TRIM68: variants seen among roughly 807,000 people sequenced by gnomAD.
TRIM68 encodes tripartite motif containing 68.
Under a neutral mutation model 41.9 loss-of-function variants are expected in TRIM68, and 36 were observed. That is an observed-to-expected ratio of 0.86 (90% confidence interval 0.66 to 1.14). The LOEUF (loss-of-function observed/expected upper bound fraction) is 1.14, where lower values mean the gene tolerates loss of function less well. Ranked by LOEUF, TRIM68 falls within the 50% of genes most tolerant of loss-of-function variation. TRIM68 has a pLI of 0.00. For missense variants in TRIM68, 632 were observed against 605.1 expected (o/e 1.04, Z -0.47); for synonymous variants, 225 against 224.6 (o/e 1.00, Z -0.02).
intron 1 of TRIM68, among the ~76,000 whole-genome samples, chr11:4,607,551 G>A (rs911215259): frequency 1.3e-5 from 2 of 152,244 alleles, no homozygotes; most frequent in Admixed American, 6.5e-5. Flanking sequence ...AGAAAGTAAG[G>A]CAAAGAAATA....
In TRIM68 at chr11:4,605,282, G is replaced by A; in HGVS notation, c.223C>T (p.Leu75=). The A allele has an allele frequency of 6.2e-7, 1 of 1,614,260 alleles. No homozygotes were observed. The highest frequency in any genetic ancestry group is 8.5e-7 in the Non-Finnish European group (1 of 1,180,050). The change falls in exon 2 of 7, where the codon CTG becomes TTG. Residue 75 remains leucine (L), a synonymous_variant. Transcript: ENST00000300747. ...QPRNLRPNWQ[L]ANVVEKVRLL... ...CGGACTTTTTCTACAACATTGGCCA[G>A]CTGCCAATTAGGCCGCAGGTTCCTT...
rs1293221816 is a variant in TRIM68 at position 4,605,129 on chromosome 11, G to A, written c.376C>T (p.His126Tyr). The change falls in exon 2 of 7, where the codon CAT becomes TAT. Residue 126 changes from histidine (H) to tyrosine (Y), a missense_variant. Physicochemically the swap from His to Tyr is moderately conservative, Grantham distance 83. Coordinates refer to ENST00000300747, the MANE Select transcript of TRIM68 (RefSeq NM_018073.8). ...MCEACSQSPEHEAHSVVPMED... is the reference protein window; with the variant it reads ...MCEACSQSPEYEAHSVVPMED... ...ATTGGCACAACACTGTGGGCCTCATGCTCTGGGGACTGGCTGCAGGCCTCA... is the reference window on the plus strand; with the variant it reads ...ATTGGCACAACACTGTGGGCCTCATACTCTGGGGACTGGCTGCAGGCCTCA... The A allele has an allele frequency of 6.2e-7, 1 of 1,614,240 alleles. No individual in the cohort carries two copies. The highest frequency in any genetic ancestry group is 8.5e-7 in the Non-Finnish European group (1 of 1,180,052).
At chr11:4,602,591 T>C (rs573847203) in intron 3 of TRIM68, among the ~76,000 whole-genome samples, 179 bp from the exon 4 acceptor site, 1 of 152,320 alleles carries the variant, frequency 6.6e-6, no homozygotes, top group African/African-American at 2.4e-5. Flanking sequence ...ACCACATGCT[T>C]CTAGGTCTCT....
chr11:4,600,127 T>C lies in TRIM68; in HGVS notation c.*149A>G. 1 of 777,346 alleles carries C rather than the reference T, an allele frequency of 1.3e-6. No individual in the cohort carries two copies. The highest frequency in any genetic ancestry group is 2.5e-5 in the South Asian group (1 of 40,532). 48.2% of individuals were successfully genotyped at this position (777,346 alleles called of 1,614,324 possible). The stretch of plus-strand genomic sequence containing the variant: ...AGTGGTTTCATGACAGACTTCAGCC[T>C]GGTAGCAAAGACCAAAGGATCAGAC... On this transcript the variant is annotated 3_prime_UTR_variant, in exon 7 of 7. Transcript: ENST00000300747.
chr11:4,602,332 T>G lies in TRIM68; in HGVS notation c.603A>C (p.Pro201=). 6.2e-7 allele frequency: 1 copy of G among 1,614,220 alleles called. No individual in the cohort carries two copies. Among genetic ancestry groups the G allele is most frequent in the Non-Finnish European group, 8.5e-7 (1 of 1,180,044 alleles). Residue 201 remains proline (P), a synonymous_variant, in exon 4 of 7, where the codon CCA becomes CCC. Coordinates refer to ENST00000300747, the MANE Select transcript of TRIM68 (RefSeq NM_018073.8). The part of the protein sequence containing the change: ...YQRLLEKKQP[P]HRQLGAEVAA... ...CTACCTCTGCCCCCAGCTGCCGATG[T>G]GGTGGCTGCTTTTTCTCTAGTAATC... is the stretch of plus-strand genomic sequence containing the variant.
chr11:4,603,110 C>G (rs573987991), intron 3 of TRIM68, 135 bp downstream of exon 3: 105 of 819,638 alleles, frequency 1.3e-4, no homozygotes, highest in Non-Finnish European at 2.0e-4. Flanking sequence ...ACAGAGAAAG[C>G]AGGGATTAGA....
Position 4,600,846 on chromosome 11 carries a change from T to C in TRIM68, c.908-20A>G, listed in dbSNP as rs760439954. The C allele has an allele frequency of 3.1e-6, 5 of 1,604,500 alleles. 1 individual carries two copies. In the South Asian group the frequency reaches 4.5e-5, roughly 14 times the overall value. ...CATCAGCTAGAAGAAAAGGTCCTGGTTGGTAACAGTGATATAGGGCCAGGG... is the reference window on the plus strand; with the variant it reads ...CATCAGCTAGAAGAAAAGGTCCTGGCTGGTAACAGTGATATAGGGCCAGGG... On this transcript the variant is annotated intron_variant, in intron 6 of 6. Coordinates refer to ENST00000300747, the MANE Select transcript of TRIM68 (RefSeq NM_018073.8).
At chr11:4,602,505 A>G (rs1846509356) in intron 3 of TRIM68, 93 bp from the exon 4 acceptor site, 3 of 1,503,020 alleles carry the variant, frequency 2.0e-6, no homozygotes, top group African/African-American at 1.4e-5. Context: ...CTGCAATGGT[A>G]CCAACCACGT....
rs180877961 is a variant in TRIM68, at chr11:4,606,219, G to A, written c.-57-658C>T. On this transcript the variant is annotated intron_variant, in intron 1 of 6. Coordinates refer to ENST00000300747, the MANE Select transcript of TRIM68 (RefSeq NM_018073.8). Reference sequence around the variant, plus strand: ...CTTTTAGTGATATGCTAGAAGCAGAGATGAAATAACATCCCTTGGAGATTA... The same window carrying A: ...CTTTTAGTGATATGCTAGAAGCAGAAATGAAATAACATCCCTTGGAGATTA... Among the ~76,000 whole-genome samples the A allele has an allele frequency of 3.9e-5, 6 of 152,328 alleles. No homozygotes were observed. In the East Asian group the frequency reaches 1.2e-3, roughly 29 times the overall value.
chr11:4,607,070 C>T (rs1252311227), intron 1 of TRIM68, among the ~76,000 whole-genome samples: 2 of 152,200 alleles, frequency 1.3e-5, no homozygotes, highest in African/African-American at 2.4e-5. Flanking sequence ...TGAAACAGCA[C>T]CTGTGCCCAG....
intron 4 of TRIM68, chr11:4,601,914 G>T: frequency 1.3e-6 from 1 of 765,616 alleles, no homozygotes. Context: ...CTAGAGGAGA[G>T]GGCCTGGAAT....
rs1193870241 is a variant in TRIM68, at chr11:4,600,715, C to A, written c.1019G>T (p.Arg340Ile). 1 of 1,614,194 alleles carries A rather than the reference C, an allele frequency of 6.2e-7. No homozygotes were observed. Among genetic ancestry groups the A allele is most frequent in the East Asian group, 2.2e-5 (1 of 44,886 alleles). ...CAGGACGATATTATAGCGGTAAAATCTCTCAGGATTGTCTGGCAGTTTCTG... is the reference window on the plus strand; with the variant it reads ...CAGGACGATATTATAGCGGTAAAATATCTCAGGATTGTCTGGCAGTTTCTG... ...TNQKLPDNPE[R>I]FYRYNIVLGS... Residue 340 changes from arginine to isoleucine, a missense_variant, in exon 7 of 7, where the codon AGA (arginine) becomes ATA (isoleucine). Physicochemically the swap from Arg to Ile is moderately conservative, Grantham distance 97 (BLOSUM62 -3). Transcript: ENST00000300747.
At chr11:4,602,821 A>G (rs897277219) in intron 3 of TRIM68, among the ~76,000 whole-genome samples, 2 of 152,238 alleles carry the variant, frequency 1.3e-5, no homozygotes, top group African/African-American at 4.8e-5. Flanking sequence ...CTGTTGATCA[A>G]AAGTTCTAGT....
At position 4,599,923 on chromosome 11, in the gene TRIM68, C is replaced by A; in HGVS notation, c.*353G>T. On this transcript the variant is annotated 3_prime_UTR_variant, in exon 7 of 7. Transcript: ENST00000300747. Reference sequence around the variant, plus strand: ...GTATCTACTTCATCATCCTCACTGACTGAACTGTGACACCGGACGGGAATC... The same window carrying A: ...GTATCTACTTCATCATCCTCACTGAATGAACTGTGACACCGGACGGGAATC... 1 of 199,526 alleles carries A rather than the reference C, an allele frequency of 5.0e-6. No individual in the cohort carries two copies. Among genetic ancestry groups the A allele is most frequent in the Non-Finnish European group, 1.0e-5 (1 of 98,114 alleles). 12.4% of individuals were successfully genotyped at this position (199,526 alleles called of 1,614,324 possible). A position where few individuals can be genotyped will look rare whatever the true frequency, so the allele number is the denominator to read the frequency against.
At position 4,600,758 on chromosome 11, in the gene TRIM68, G is replaced by A. The variant is rs1368211943; in HGVS notation, c.976C>T (p.His326Tyr). 31 of 1,614,052 alleles carry A rather than the reference G, an allele frequency of 1.9e-5. No homozygotes were observed. The highest frequency in any genetic ancestry group is 2.2e-5 in the Non-Finnish European group (26 of 1,180,046). The part of the protein sequence containing the change: ...LIVSEDRKRV[H>Y]YGDTNQKLPD... ...AGTTTCTGGTTGGTGTCTCCATAGT[G>A]CACACGTTTTCTGTCCTCAGACACG... Residue 326 changes from histidine (H) to tyrosine (Y), a missense_variant, in exon 7 of 7, where the codon CAC (histidine) becomes TAC (tyrosine). His to Tyr is a moderately conservative substitution (Grantham distance 83, BLOSUM62 2). Transcript: ENST00000300747.
At position 4,600,087 on chromosome 11, in the gene TRIM68, C is replaced by A; in HGVS notation, c.*189G>T. 3.6e-6 allele frequency: 2 copies of A among 554,140 alleles called. No individual in the cohort carries two copies. The highest frequency in any genetic ancestry group is 3.3e-5 in the South Asian group (1 of 30,336). 34.3% of individuals were successfully genotyped at this position (554,140 alleles called of 1,614,324 possible). ...ATGCAATGCTCATTTGACTGGGCCTCTGCTTTTTAAAATAAGTGGTTTCAT... is the reference window on the plus strand; with the variant it reads ...ATGCAATGCTCATTTGACTGGGCCTATGCTTTTTAAAATAAGTGGTTTCAT... On this transcript the variant is annotated 3_prime_UTR_variant, in exon 7 of 7. Coordinates refer to ENST00000300747, the MANE Select transcript of TRIM68 (RefSeq NM_018073.8).
intron 5 of TRIM68, 37 bp from the exon 6 acceptor site, chr11:4,601,164 C>A: frequency 6.5e-7 from 1 of 1,538,968 alleles, no homozygotes; most frequent in Admixed American, 1.7e-5. Flanking sequence ...CCAGGAGTCC[C>A]GGCTTTGTCA....
Position 4,600,516 on chromosome 11 carries a change from TGCTCGG to T in TRIM68, c.1212_1217del (p.Tyr404_Ala406delinsTer). 1 of 1,613,950 alleles carries T rather than the reference TGCTCGG, an allele frequency of 6.2e-7. No homozygotes were observed. The highest frequency in any genetic ancestry group is 8.5e-7 in the Non-Finnish European group (1 of 1,179,936). On this transcript the variant is annotated stop_gained and inframe_deletion, in exon 7 of 7. Coordinates refer to ENST00000300747, the MANE Select transcript of TRIM68 (RefSeq NM_018073.8). LOFTEE classifies it high-confidence loss of function. The stretch of plus-strand genomic sequence containing the variant: ...ACAGGATTGGGTACTCATCGGTGCC[TGCTCGG>T]TACTCATTTCCCTTCCTCAGCCTTA...
Position 4,600,861 on chromosome 11 carries a change from T to C in TRIM68, c.908-35A>G, listed in dbSNP as rs540797124. The C allele has an allele frequency of 6.3e-6, 10 of 1,597,976 alleles. No homozygotes were observed. The East Asian group carries it at 6.7e-5, about 11-fold the overall frequency. ...AAGGTCCTGGTTGGTAACAGTGATA[T>C]AGGGCCAGGGGACATGGGTGAGAGC... is the stretch of plus-strand genomic sequence containing the variant. On this transcript the variant is annotated intron_variant, in intron 6 of 6. Coordinates refer to ENST00000300747, the MANE Select transcript of TRIM68 (RefSeq NM_018073.8).
Sources: gnomAD v4.1 joint callset for allele counts (sites outside exome capture counted in the v4.1 genomes callset) on GRCh38, gnomAD v4.1.1 for gene constraint, MANE v1.5 for transcripts, NCBI Gene and HGNC (gene_info 2026-07-23, HGNC 2026-07-21) for gene names.